The following KIF26B variants were observed in gnomAD, a reference collection of about 807,000 sequenced individuals.
The protein encoded by KIF26B is kinesin family member 26B, also known as kinesin-like protein KIF26B.
A neutral mutation model predicts 151.2 loss-of-function variants in KIF26B; 63 were observed. The observed-to-expected ratio is 0.42, with a 90% CI of 0.34 to 0.51. The LOEUF (loss-of-function observed/expected upper bound fraction) is 0.51. Among genes scored for constraint, KIF26B ranks in the 20% least tolerant of loss-of-function variants. KIF26B has a pLI of 0.07. For synonymous variants in KIF26B, 1,357 were observed against 1,262.1 expected (o/e 1.08, Z -1.59); for missense variants, 2,813 against 2,913.6 (o/e 0.97, Z 0.79).
chr1:245,399,728 C>T (rs1271190951), intron 3 of KIF26B, among the ~76,000 whole-genome samples: 3 of 152,168 alleles, frequency 2.0e-5, no homozygotes, highest in Non-Finnish European at 4.4e-5. Context: ...AGGGTATGTT[C>T]AGCAATTCTG....
At chr1:245,190,629 G>GTTTTTTTTTTTTTTTTTTTTTTTTTTT (rs768099890) in intron 2 of KIF26B, among the ~76,000 whole-genome samples, 1 of 80,078 alleles carries the variant, frequency 1.2e-5, no homozygotes, top group African/African-American at 4.2e-5. Flanking sequence ...TTCCCTGAAT[G>GTTTTTTTTTTTTTTTTTTTTTTTTTTT]TTTTGTTTTG....
chr1:245,688,845 G>A, intron 12 of KIF26B, 38 bp downstream of exon 12: 1 of 1,526,784 alleles, frequency 6.5e-7, no homozygotes, highest in Non-Finnish European at 8.8e-7. Context: ...TGAGGAGGGC[G>A]GCAGGTGGGC....
At chr1:245,444,059 C>T (rs80026945) in intron 4 of KIF26B, among the ~76,000 whole-genome samples, 4 of 142,424 alleles carry the variant, frequency 2.8e-5, no homozygotes, top group East Asian at 2.2e-4. Flanking sequence ...TCACTGTTCA[C>T]CCTGCGGTCA....
chr1:245,650,139 G>T (rs147367608), intron 10 of KIF26B, among the ~76,000 whole-genome samples: 1 of 152,160 alleles, frequency 6.6e-6, no homozygotes, highest in South Asian at 2.1e-4. Flanking sequence ...CCAACCCCTC[G>T]TCAGTTCTGC....
chr1:245,354,267 G>A (rs946993049), intron 2 of KIF26B, among the ~76,000 whole-genome samples: 2 of 152,124 alleles, frequency 1.3e-5, no homozygotes, highest in Non-Finnish European at 2.9e-5. Context: ...TTGCTTCTCC[G>A]AGAAGGAAAC....
chr1:245,600,363 C>T (rs1039823415), intron 5 of KIF26B, among the ~76,000 whole-genome samples: 29 of 150,330 alleles, frequency 1.9e-4, no homozygotes, highest in African/African-American at 6.6e-4. Context: ...GACAAGGTCT[C>T]GCTCTGTCAC....
At chr1:245,648,309 TTTAG>T (rs1258728678) in intron 10 of KIF26B, among the ~76,000 whole-genome samples, 1 of 152,194 alleles carries the variant, frequency 6.6e-6, no homozygotes, top group African/African-American at 2.4e-5. Context: ...GTAACTTCCT[TTTAG>T]TTAGAGTTGG....
intron 3 of KIF26B, among the ~76,000 whole-genome samples, chr1:245,405,786 C>T (rs113476406): frequency 6.6e-6 from 1 of 152,104 alleles, no homozygotes; most frequent in Non-Finnish European, 1.5e-5. Flanking sequence ...TTTCCAGCTC[C>T]ATTTTTAAAA....
At chr1:245,423,477 G>A (rs1658542217) in intron 4 of KIF26B, among the ~76,000 whole-genome samples, 1 of 140,880 alleles carries the variant, frequency 7.1e-6, no homozygotes, top group Non-Finnish European at 1.5e-5. Flanking sequence ...TTTATTATAG[G>A]GTTTTTTTTT....
intron 2 of KIF26B, among the ~76,000 whole-genome samples, chr1:245,310,659 T>C (rs981160125): frequency 1.4e-4 from 22 of 152,194 alleles, no homozygotes; most frequent in African/African-American, 5.3e-4. Flanking sequence ...ACTCGAAGGC[T>C]TTGCTCTCTG....
chr1:245,250,018 T>TA (rs1670412986), intron 2 of KIF26B, among the ~76,000 whole-genome samples: 1 of 152,212 alleles, frequency 6.6e-6, no homozygotes, highest in African/African-American at 2.4e-5. Context: ...TGAAACATAT[T>TA]AAAAAATTTA....
At chr1:245,193,204 G>C (rs1478772910) in intron 2 of KIF26B, among the ~76,000 whole-genome samples, 1 of 152,164 alleles carries the variant, frequency 6.6e-6, no homozygotes, top group Non-Finnish European at 1.5e-5. Context: ...CATCCATGTT[G>C]CTGCAAAAGA....
intron 5 of KIF26B, among the ~76,000 whole-genome samples, chr1:245,548,745 C>T (rs1023525183): frequency 7.0e-5 from 10 of 143,762 alleles, no homozygotes; most frequent in African/African-American, 2.3e-4. Context: ...CATTTTGCAA[C>T]TTTTTTTTTT....
At chr1:245,309,151 C>T (rs61683037) in intron 2 of KIF26B, among the ~76,000 whole-genome samples, 29,709 of 152,062 alleles carry the variant, frequency 0.2, 3,075 homozygotes, top group East Asian at 0.42. Flanking sequence ...GATGGAGGGG[C>T]TCATGTGCAT....
chr1:245,382,567 T>TTC (rs1673437858), intron 3 of KIF26B, among the ~76,000 whole-genome samples: 3 of 151,728 alleles, frequency 2.0e-5, no homozygotes, highest in Admixed American at 6.6e-5. Context: ...TGTTTCTTGT[T>TTC]TTGTTTTGTT....
intron 2 of KIF26B, among the ~76,000 whole-genome samples, chr1:245,246,898 C>CACACAG (rs1558360423): frequency 6.8e-6 from 1 of 147,868 alleles, no homozygotes; most frequent in Non-Finnish European, 1.5e-5. Context: ...CACACAGACA[C>CACACAG]ACACACACAG....
chr1:245,156,292 T>A lies in KIF26B; in HGVS notation c.74T>A (p.Val25Asp). The change falls in exon 2 of 15, where the codon GTC becomes GAC. Residue 25 changes from valine to aspartate, a missense_variant. Physicochemically the swap from Val to Asp is radical, Grantham distance 152 (BLOSUM62 -3). Around this residue, in one of 3 missense-constraint regions of KIF26B, gnomAD observed 676 missense variants for 688.1 expected, o/e 0.98. Coordinates refer to ENST00000407071, the MANE Select transcript of KIF26B (RefSeq NM_018012.4). The part of the protein sequence containing the change: ...TRGKKYGVNE[V>D]CSPTKPAAPF... ...GTGTCTTCCCCGCAGGTGAATGAAG[T>A]CTGCTCGCCCACCAAGCCCGCAGCG... 1 of 1,546,896 alleles carries A rather than the reference T, an allele frequency of 6.5e-7. No individual in the cohort carries two copies. The highest frequency in any genetic ancestry group is 8.7e-7 in the Non-Finnish European group (1 of 1,145,948).
intron 2 of KIF26B, among the ~76,000 whole-genome samples, chr1:245,317,243 T>G (rs1671797212): frequency 6.6e-6 from 1 of 152,206 alleles, no homozygotes; most frequent in Admixed American, 6.5e-5. Flanking sequence ...TTCTTAGAAA[T>G]TAGCTCTAGA....
At chr1:245,567,663 T>C (rs1205694050) in intron 5 of KIF26B, among the ~76,000 whole-genome samples, 2 of 152,144 alleles carry the variant, frequency 1.3e-5, no homozygotes, top group East Asian at 1.9e-4. Flanking sequence ...TGGCCCACCA[T>C]GAAAACCTCT....
Sources: gnomAD v4.1 joint callset for allele counts (sites outside exome capture counted in the v4.1 genomes callset) on GRCh38, gnomAD v4.1.1 for gene constraint, gnomAD v4.1.1 regional missense constraint, MANE v1.5 for transcripts, NCBI Gene and HGNC (gene_info 2026-07-23, HGNC 2026-07-21) for gene names.